The following ERGIC1 variants were observed in gnomAD, a reference collection of about 807,000 sequenced individuals.
ERGIC1 encodes the protein endoplasmic reticulum-golgi intermediate compartment 1.
ERGIC1 carries 19 observed loss-of-function variants against 38.3 expected under a neutral mutation model. The ratio of observed to expected loss-of-function variants is 0.50; its 90% CI spans 0.35 to 0.73. The LOEUF is 0.73. Ranked by LOEUF, ERGIC1 falls within the 30% of genes least tolerant of loss-of-function variation. The pLI, the probability that ERGIC1 is intolerant of heterozygous loss-of-function variation, is 0.01. For missense variants in ERGIC1, 294 were observed against 389.2 expected (o/e 0.76, Z 2.06); for synonymous variants, 124 against 157.6 (o/e 0.79, Z 1.60).
chr5:172,888,011 G>A (rs759670634), intron 1 of ERGIC1, among the ~76,000 whole-genome samples: 11 of 152,294 alleles, frequency 7.2e-5, no homozygotes, highest in Non-Finnish European at 1.3e-4. Flanking sequence ...TTCCTCTAGC[G>A]TCAGAGTCAC....
intron 7 of ERGIC1, among the ~76,000 whole-genome samples, chr5:172,927,369 T>A (rs576845511): frequency 2.1e-3 from 321 of 152,278 alleles, no homozygotes; most frequent in African/African-American, 7.2e-3. Context: ...AAAACATCCC[T>A]CTGTGACCTG....
intron 1 of ERGIC1, among the ~76,000 whole-genome samples, chr5:172,872,498 A>G (rs996994790): frequency 2.6e-5 from 4 of 152,136 alleles, no homozygotes; most frequent in African/African-American, 9.7e-5. Flanking sequence ...CTTATTTCTC[A>G]AGGTCACTGA....
intron 1 of ERGIC1, among the ~76,000 whole-genome samples, chr5:172,854,217 C>CAA (rs748064393): frequency 0.03 from 3,642 of 122,674 alleles, 152 homozygotes; most frequent in African/African-American, 0.1. Flanking sequence ...TCCATCTCTA[C>CAA]AAAAAAAAAA....
chr5:172,868,708 A>G (rs1427896393), intron 1 of ERGIC1, among the ~76,000 whole-genome samples: 1 of 152,222 alleles, frequency 6.6e-6, no homozygotes, highest in African/African-American at 2.4e-5. Context: ...TTTGGGAGAC[A>G]ATGATGAGTC....
Sources: allele counts gnomAD v4.1 joint callset (sites outside exome capture counted in the v4.1 genomes callset), GRCh38; gene constraint gnomAD v4.1.1; transcripts MANE v1.5; gene names NCBI Gene and HGNC (gene_info 2026-07-23, HGNC 2026-07-21).